BNC2: variants seen among roughly 807,000 people sequenced by gnomAD.
BNC2 encodes the protein zinc finger protein basonuclin-2.
BNC2 carries 20 observed loss-of-function variants against 76.3 expected under a neutral mutation model. The observed-to-expected ratio is 0.26, with a 90% CI of 0.18 to 0.38. The LOEUF (loss-of-function observed/expected upper bound fraction) is 0.38, where lower values mean the gene tolerates loss of function less well. BNC2 is among the 10% of genes least tolerant of loss of function. BNC2 has a pLI of 1.00. For synonymous variants in BNC2, 582 were observed against 514.8 expected (o/e 1.13, Z -1.77); for missense variants, 1,382 against 1,399.8 (o/e 0.99, Z 0.20).
At chr9:16,538,425 G>A (rs984492132) in intron 5 of BNC2, among the ~76,000 whole-genome samples, 5 of 152,040 alleles carry the variant, frequency 3.3e-5, no homozygotes, top group Non-Finnish European at 5.9e-5. Flanking sequence ...TACTCCCCAC[G>A]TGGCACTGGC....
At chr9:16,591,746 C>T (rs1377879699) in intron 3 of BNC2, among the ~76,000 whole-genome samples, 3 of 152,210 alleles carry the variant, frequency 2.0e-5, no homozygotes, top group East Asian at 3.9e-4. Flanking sequence ...TTAAAAAAAT[C>T]TACTCAAACA....
At chr9:16,670,964 T>C (rs973770093) in intron 3 of BNC2, among the ~76,000 whole-genome samples, 5 of 152,004 alleles carry the variant, frequency 3.3e-5, no homozygotes, top group African/African-American at 1.2e-4. Flanking sequence ...CCCACCTGAG[T>C]CATGCTTCCT....
intron 1 of BNC2, among the ~76,000 whole-genome samples, chr9:16,809,337 C>T (rs962108152): frequency 6.6e-6 from 1 of 151,922 alleles, no homozygotes; most frequent in Admixed American, 6.6e-5. Context: ...GATTTGAAAA[C>T]ATCAGAAAGC....
At chr9:16,780,245 A>AAC (rs1554729458) in intron 1 of BNC2, among the ~76,000 whole-genome samples, 3 of 133,980 alleles carry the variant, frequency 2.2e-5, no homozygotes, top group Admixed American at 7.4e-5. Flanking sequence ...CAAAAAAAAA[A>AAC]AAAAAAAAAA....
chr9:16,689,163 C>CAAAA (rs58620248), intron 3 of BNC2, among the ~76,000 whole-genome samples: 18 of 50,468 alleles, frequency 3.6e-4, no homozygotes, highest in African/African-American at 6.9e-4. Context: ...ACTGAGATCA[C>CAAAA]AAAAAAAAAA....
intron 1 of BNC2, 132 bp from the exon 2 acceptor site, chr9:16,738,617 A>G: frequency 9.7e-7 from 1 of 1,030,122 alleles, no homozygotes; most frequent in Non-Finnish European, 1.4e-6. Flanking sequence ...TTTAAGAGTT[A>G]ATAGTTTCTA....
At chr9:16,840,871 A>C (rs1264311234) in intron 1 of BNC2, among the ~76,000 whole-genome samples, 1 of 152,176 alleles carries the variant, frequency 6.6e-6, no homozygotes, top group Non-Finnish European at 1.5e-5. Context: ...CTCTTTAAAT[A>C]CCATAACATA....
intron 3 of BNC2, among the ~76,000 whole-genome samples, chr9:16,662,171 T>C (rs926480306): frequency 5.3e-5 from 8 of 152,232 alleles, no homozygotes; most frequent in Non-Finnish European, 1.2e-4. Context: ...TTCATGAGTC[T>C]ACTTTGTGTA....
At chr9:16,420,989 T>C (rs555860881) in intron 6 of BNC2, among the ~76,000 whole-genome samples, 1 of 152,262 alleles carries the variant, frequency 6.6e-6, no homozygotes, top group East Asian at 1.9e-4. Flanking sequence ...GGAGAAGTAA[T>C]TGTGATAAAA....
At chr9:16,574,444 C>A (rs1233849155) in intron 4 of BNC2, among the ~76,000 whole-genome samples, 2 of 152,078 alleles carry the variant, frequency 1.3e-5, no homozygotes, top group Non-Finnish European at 2.9e-5. Flanking sequence ...CTCAAAATGA[C>A]TTTTGGTGTA....
At chr9:16,495,682 T>C (rs1208188952) in intron 5 of BNC2, among the ~76,000 whole-genome samples, 2 of 152,202 alleles carry the variant, frequency 1.3e-5, no homozygotes, top group African/African-American at 4.8e-5. Flanking sequence ...TCTAATTTCA[T>C]AAAGGCTCAA....
intron 6 of BNC2, among the ~76,000 whole-genome samples, chr9:16,423,656 C>T (rs1161192762): frequency 6.6e-6 from 1 of 152,118 alleles, no homozygotes; most frequent in Non-Finnish European, 1.5e-5. Flanking sequence ...GGGAAGAAAG[C>T]AATGATCCCA....
intron 1 of BNC2, among the ~76,000 whole-genome samples, chr9:16,809,471 A>G (rs1015119002): frequency 6.6e-6 from 1 of 152,168 alleles, no homozygotes; most frequent in Non-Finnish European, 1.5e-5. Flanking sequence ...CTTCTGTCAC[A>G]GACTTATGCA....
At chr9:16,701,972 A>G (rs921437925) in intron 3 of BNC2, among the ~76,000 whole-genome samples, 1 of 151,984 alleles carries the variant, frequency 6.6e-6, no homozygotes, top group African/African-American at 2.4e-5. Context: ...AACCACAATA[A>G]TATTAATGTA....
chr9:16,425,350 T>G (rs1258167567), intron 6 of BNC2, among the ~76,000 whole-genome samples: 1 of 148,828 alleles, frequency 6.7e-6, no homozygotes, highest in African/African-American at 2.6e-5. Context: ...GAATTAGACT[T>G]CTTTTCTCAA....
chr9:16,780,144 G>A (rs1477650256), intron 1 of BNC2, among the ~76,000 whole-genome samples: 10 of 145,620 alleles, frequency 6.9e-5, no homozygotes, highest in South Asian at 4.4e-4. Flanking sequence ...GCTGAGGTAG[G>A]AGAATGGCGC....
At chr9:16,539,651 GA>G in intron 5 of BNC2, among the ~76,000 whole-genome samples, 3 of 36,258 alleles carry the variant, frequency 8.3e-5, no homozygotes, top group African/African-American at 4.4e-4. Flanking sequence ...GGGAGAGAGA[GA>G]GAGAAGGGAG....
intron 3 of BNC2, among the ~76,000 whole-genome samples, chr9:16,674,769 A>G (rs762869609): frequency 2.0e-5 from 3 of 152,192 alleles, no homozygotes; most frequent in Non-Finnish European, 4.4e-5. Context: ...TGGTTTATAT[A>G]ACATTGATTT....
At chr9:16,857,894 C>G (rs961641215) in intron 1 of BNC2, among the ~76,000 whole-genome samples, 6 of 152,152 alleles carry the variant, frequency 3.9e-5, no homozygotes, top group Admixed American at 2.6e-4. Context: ...AACAATGAAG[C>G]AATATAGCTG....
Sources: allele counts gnomAD v4.1 joint callset (sites outside exome capture counted in the v4.1 genomes callset), GRCh38; gene constraint gnomAD v4.1.1; transcripts MANE v1.5; gene names NCBI Gene and HGNC (gene_info 2026-07-23, HGNC 2026-07-21).